The following CHD4 variants were observed in gnomAD, a reference collection of about 807,000 sequenced individuals.
The protein encoded by CHD4 is chromodomain helicase DNA binding protein 4.
In CHD4, 35 loss-of-function variants were observed where a neutral mutation model predicts 235.5. The ratio of observed to expected loss-of-function variants is 0.15; its 90% CI spans 0.11 to 0.20. The LOEUF is 0.20. Among genes scored for constraint, CHD4 ranks in the 10% least tolerant of loss-of-function variants. The pLI, the probability that CHD4 is intolerant of heterozygous loss-of-function variation, is 1.00. For synonymous variants in CHD4, 900 were observed against 850.2 expected, an observed-to-expected ratio of 1.06 and a Z score of -1.02; for missense variants, 1,329 against 2,432.3, an observed-to-expected ratio of 0.55 and a Z score of 9.54.
chr12:6,591,622 T>C, intron 21 of CHD4, 39 bp from the exon 22 acceptor site: 4 of 1,613,674 alleles, frequency 2.5e-6, no homozygotes, highest in Non-Finnish European at 3.4e-6. Context: ...AAGAGTCAGA[T>C]GGTAATCCCT....
In CHD4 at chr12:6,581,637, A is replaced by G. The variant is rs1231791506; in HGVS notation, c.4681+12T>C. The G allele has an allele frequency of 6.2e-7, 1 of 1,613,904 alleles. No individual in the cohort carries two copies. The highest frequency in any genetic ancestry group is 8.5e-7 in the Non-Finnish European group (1 of 1,179,894). ...AGAGAGGGACAGAAAATGATAGGAC[A>G]GGCAGACTTACCAGCAGGTGGGACA... On this transcript the variant is annotated intron_variant, in intron 31 of 39. Coordinates refer to ENST00000544040, the MANE Select transcript of CHD4 (RefSeq NM_001273.5).
intron 12 of CHD4, among the ~76,000 whole-genome samples, chr12:6,596,814 G>T (rs1169007961): frequency 6.6e-6 from 1 of 150,406 alleles, no homozygotes; most frequent in Non-Finnish European, 1.5e-5. Flanking sequence ...AAAAAAATTA[G>T]GCAGGCGTGG....
At chr12:6,577,525 C>G (rs571249742) in intron 37 of CHD4, among the ~76,000 whole-genome samples, 1 of 152,044 alleles carries the variant, frequency 6.6e-6, no homozygotes, top group African/African-American at 2.4e-5. Context: ...ATACTCCAAT[C>G]TGCAGTGTTC....
chr12:6,573,967 G>T lies in CHD4; in HGVS notation c.5362-698C>A, dbSNP rs1482494803. On this transcript the variant is annotated intron_variant, in intron 37 of 39. Transcript: ENST00000544040. ...GAACCCGGGAGGCAAAGGTTGCAGT[G>T]AGCCAGGATCGCGCCACTACACTCC... Among the ~76,000 whole-genome samples, 3 of 152,104 alleles carry T rather than the reference G, an allele frequency of 2.0e-5. No individual in the cohort carries two copies. In the East Asian group the frequency reaches 5.8e-4, roughly 29 times the overall value.
At chr12:6,598,507 G>T in intron 10 of CHD4, 82 bp from the exon 11 acceptor site, 1 of 1,181,870 alleles carries the variant, frequency 8.5e-7, no homozygotes, top group Middle Eastern at 2.4e-4. Context: ...CTTCATCAAA[G>T]GACGATTCAG....
At chr12:6,583,944 T>C (rs1034863119) in intron 25 of CHD4, 1 of 152,132 alleles carries the variant, frequency 6.6e-6, no homozygotes, top group Admixed American at 6.6e-5. Context: ...TGATTCCACA[T>C]CCCTTATATT....
At chr12:6,581,944 A>G in intron 30 of CHD4, 130 bp from the exon 31 acceptor site, 1 of 1,225,188 alleles carries the variant, frequency 8.2e-7, no homozygotes, top group Non-Finnish European at 1.1e-6. Flanking sequence ...CTGGGAATAC[A>G]GGTGCCCGCC....
intron 18 of CHD4, 44 bp from the exon 19 acceptor site, chr12:6,592,610 G>A (rs1565611884): frequency 3.2e-6 from 5 of 1,582,466 alleles, no homozygotes; most frequent in Non-Finnish European, 3.4e-6. Flanking sequence ...AAGGAGAAAG[G>A]AAGAAAGAAA....
In CHD4 at chr12:6,583,395, G is replaced by A. The variant is rs1343653654; in HGVS notation, c.3880-17C>T. 2 of 1,594,012 alleles carry A rather than the reference G, an allele frequency of 1.3e-6. No homozygotes were observed. The highest frequency in any genetic ancestry group is 8.6e-7 in the Non-Finnish European group (1 of 1,168,660). ...CTCTTCCTCCTGGGACAGAGGGAGG[G>A]CCAGGACTCAGGAGTGCTGAAGTCA... is the stretch of plus-strand genomic sequence containing the variant. On this transcript the variant is annotated splice_polypyrimidine_tract_variant and intron_variant, in intron 25 of 39. Transcript: ENST00000544040.
intron 15 of CHD4, 35 bp downstream of exon 15, chr12:6,594,422 ACC>A (rs747889506): frequency 6.4e-7 from 1 of 1,560,090 alleles, no homozygotes; most frequent in South Asian, 1.2e-5. Flanking sequence ...AACACAAAAC[ACC>A]CACACAAAAA....
Position 6,606,339 on chromosome 12 carries a change from G to A in CHD4, c.35C>T (p.Ser12Leu), listed in dbSNP as rs1216024595. The change falls in exon 2 of 40, where the codon TCG becomes TTG. Residue 12 changes from serine to leucine, a missense_variant. Transcript: ENST00000544040. Reference sequence around the variant, plus strand: ...CATATCCTCCTCCTCACTGCCCGCCGAGCAGGGGGACGGGGAGCCCAGGCC... The same window carrying A: ...CATATCCTCCTCCTCACTGCCCGCCAAGCAGGGGGACGGGGAGCCCAGGCC... ...ASGLGSPSPC[S>L]AGSEEEDMDA... The A allele has an allele frequency of 2.5e-6, 4 of 1,571,636 alleles. No homozygotes were observed. Among genetic ancestry groups the A allele is most frequent in the East Asian group, 5.0e-5 (2 of 39,858 alleles).
intron 2 of CHD4, 73 bp from the exon 3 acceptor site, chr12:6,602,570 C>T: frequency 1.3e-6 from 2 of 1,557,884 alleles, no homozygotes; most frequent in East Asian, 2.2e-5. Flanking sequence ...AATCCAGAGG[C>T]TTTAGACTTT....
In CHD4 at chr12:6,578,894, C is replaced by G. The variant is rs916782498; in HGVS notation, c.4933G>C (p.Glu1645Gln). The G allele has an allele frequency of 6.2e-7, 1 of 1,614,074 alleles. No homozygotes were observed. Among genetic ancestry groups the G allele is most frequent in the African/African-American group, 1.3e-5 (1 of 74,920 alleles). The change falls in exon 34 of 40, where the codon GAG becomes CAG. Residue 1645 changes from glutamate to glutamine, a missense_variant. This residue lies in a region of CHD4 where 219 missense variants were observed against 219.3 expected (regional missense o/e 1.00). Coordinates refer to ENST00000544040, the MANE Select transcript of CHD4 (RefSeq NM_001273.5). Reference sequence around the variant, plus strand: ...GTCAGATCTATTGCTGACTTTTCCTCCACCTTCTCTACATCAGCAGCACCT... The same window carrying G: ...GTCAGATCTATTGCTGACTTTTCCTGCACCTTCTCTACATCAGCAGCACCT... ...PKGAADVEKV[E>Q]EKSAIDLTPI... is the part of the protein sequence containing the mutation.
intron 22 of CHD4, 108 bp downstream of exon 22, chr12:6,591,358 G>A (rs946091068): frequency 2.4e-6 from 2 of 836,520 alleles, no homozygotes; most frequent in South Asian, 1.7e-5. Context: ...CATCTCAAAT[G>A]ACAAAGTCCC....
chr12:6,571,282 C>CT, intron 38 of CHD4: 1 of 431,630 alleles, frequency 2.3e-6, no homozygotes, highest in Non-Finnish European at 4.1e-6. Context: ...ATTTCCTCTT[C>CT]TTGAGCTTAT....
At chr12:6,598,153 T>C (rs751960931) in intron 11 of CHD4, 54 bp from the exon 12 acceptor site, 33 of 1,611,198 alleles carry the variant, frequency 2.0e-5, no homozygotes, top group Non-Finnish European at 2.6e-5. Context: ...ATTCCTTCTA[T>C]CCACAAGGCT....
At chr12:6,591,323 A>G (rs566100817) in intron 22 of CHD4, 143 bp downstream of exon 22, 68 of 656,364 alleles carry the variant, frequency 1.0e-4, no homozygotes, top group Non-Finnish European at 1.7e-4. Flanking sequence ...CATTCGTCCA[A>G]TTGAGACATT....
chr12:6,600,895 C>T, intron 7 of CHD4, 31 bp downstream of exon 7: 3 of 1,542,564 alleles, frequency 1.9e-6, no homozygotes, highest in South Asian at 1.3e-5. Context: ...AGACATGGCA[C>T]CCTCCCTAAA....
At chr12:6,585,167 C>G (rs982736670) in intron 25 of CHD4, among the ~76,000 whole-genome samples, 1 of 152,098 alleles carries the variant, frequency 6.6e-6, no homozygotes, top group African/African-American at 2.4e-5. Context: ...ATTTCATACC[C>G]CTCTATATCA....
Sources: allele counts gnomAD v4.1 joint callset (sites outside exome capture counted in the v4.1 genomes callset), GRCh38; gene constraint gnomAD v4.1.1; regional missense constraint gnomAD v4.1.1; transcripts MANE v1.5; gene names NCBI Gene and HGNC (gene_info 2026-07-23, HGNC 2026-07-21).